Variants in ARHGAP9 observed in about 807,000 individuals in gnomAD.
ARHGAP9 encodes rho GTPase-activating protein 9.
ARHGAP9 carries 76 observed loss-of-function variants against 87.3 expected under a neutral mutation model. The observed-to-expected ratio is 0.87, with a 90% CI of 0.72 to 1.05. The LOEUF (loss-of-function observed/expected upper bound fraction) is 1.05. Among genes scored for constraint, ARHGAP9 ranks in the 50% least tolerant of loss-of-function variants. The pLI is 0.00. For missense variants in ARHGAP9, 941 were observed against 960.5 expected (o/e 0.98, Z 0.27); for synonymous variants, 382 against 394.9 (o/e 0.97, Z 0.39).
chr12:57,474,675 C>A lies in ARHGAP9; in HGVS notation c.1680G>T (p.Val560=), dbSNP rs771617741. 2 of 1,614,192 alleles carry A rather than the reference C, an allele frequency of 1.2e-6. No homozygotes were observed. The highest frequency in any genetic ancestry group is 3.3e-5 in the Admixed American group (2 of 60,026). ...RGLDVDGIYR[V]SGNLAVVQKL... ...TCTGGACCACTGCCAAGTTCCCGCT[C>A]ACCCGATAAATGCCATCCACATCTA... Residue 560 remains valine (V), a synonymous_variant, in exon 14 of 18, where the codon GTG becomes GTT. Transcript: ENST00000393791.
In ARHGAP9 at chr12:57,477,592, G is replaced by A. The variant is rs1200660018; in HGVS notation, c.623C>T (p.Pro208Leu). The A allele has an allele frequency of 6.2e-7, 1 of 1,613,262 alleles. No homozygotes were observed. The highest frequency in any genetic ancestry group is 1.7e-5 in the Admixed American group (1 of 59,926). Reference protein sequence around the residue: ...RRCPRSPPPGPACPLLQRLDA... With the variant: ...RRCPRSPPPGLACPLLQRLDA... ...CAGCCTCTGCAGCAGGGGGCATGCA[G>A]GGCCTGGGGGTGGGGACCGAGGACA... is the stretch of plus-strand genomic sequence containing the variant. The change falls in exon 4 of 18, where the codon CCT (proline) becomes CTT (leucine). Residue 208 changes from proline (P) to leucine (L), a missense_variant. Physicochemically the swap from Pro to Leu is moderately conservative, Grantham distance 98 (BLOSUM62 -3). Transcript: ENST00000393791.
At chr12:57,484,251 C>G (rs1875238522), upstream of ARHGAP9, among the ~76,000 whole-genome samples, 1 of 151,040 alleles carries the variant, frequency 6.6e-6, no homozygotes, top group Admixed American at 6.6e-5. Context: ...ACTTGGGAGG[C>G]TGAGGCAGGA....
intron 10 of ARHGAP9, 26 bp from the exon 11 acceptor site, chr12:57,475,641 AG>A (rs752114440): frequency 3.8e-6 from 6 of 1,599,612 alleles, no homozygotes; most frequent in African/African-American, 1.3e-5. Flanking sequence ...GCCGTGTCGA[AG>A]GTGAGAGAGG....
Position 57,476,827 on chromosome 12 carries a change from G to A in ARHGAP9, c.963+44C>T, listed in dbSNP as rs376022208. ...GTGGAGCAGGAAAAGGGGGGAGGGGGGGCAGGGAGGATCTTGGCCTTCACA... is the reference window on the plus strand; with the variant it reads ...GTGGAGCAGGAAAAGGGGGGAGGGGAGGCAGGGAGGATCTTGGCCTTCACA... On this transcript the variant is annotated intron_variant, in intron 6 of 17. Transcript: ENST00000393791. 30 of 1,541,904 alleles carry A rather than the reference G, an allele frequency of 1.9e-5. 1 individual carries two copies. The South Asian group carries it at 3.2e-4, about 17-fold the overall frequency.
In ARHGAP9 at chr12:57,472,574, G is replaced by A. The variant is rs747564203; in HGVS notation, c.2139C>T (p.Leu713=). The A allele has an allele frequency of 6.2e-7, 1 of 1,614,238 alleles. No individual in the cohort carries two copies. Among genetic ancestry groups the A allele is most frequent in the Non-Finnish European group, 8.5e-7 (1 of 1,180,036 alleles). The stretch of plus-strand genomic sequence containing the variant: ...TCAGCTGGACCAGCTGCCCTGGGTA[G>A]AGAGCATGGGCTGCTGGGTCAGATG... ...QETSDPAAHA[L]YPGQLVQLML... The change falls in exon 18 of 18, where the codon CTC becomes CTT. Residue 713 remains leucine (L), a synonymous_variant. Transcript: ENST00000393791.
At chr12:57,480,168 T>C (rs977438242), upstream of ARHGAP9, 2 of 962,344 alleles carry the variant, frequency 2.1e-6, no homozygotes, top group African/African-American at 3.5e-5. Context: ...GCTACTTTAG[T>C]GTGTGGGTTC....
At chr12:57,473,736 T>C in intron 16 of ARHGAP9, 28 bp from the exon 17 acceptor site, 2 of 1,593,090 alleles carry the variant, frequency 1.3e-6, no homozygotes, top group South Asian at 2.2e-5. Context: ...AAAGGCATGG[T>C]AGTAAGGTTA....
At chr12:57,488,727 C>A in exon 1 of ARHGAP9, 1 of 1,398,956 alleles carries the variant, frequency 7.1e-7, no homozygotes, top group Non-Finnish European at 9.9e-7. Flanking sequence ...ATGAAGATAT[C>A]CCAGTTACTT....
At position 57,479,356 on chromosome 12, in the gene ARHGAP9, G is replaced by A; in HGVS notation, c.51C>T (p.Gly17=). Residue 17 remains glycine, a synonymous_variant, in exon 2 of 18, where the codon GGC becomes GGT. Transcript: ENST00000393791. ...GGGATCCCCGAGGAGGGCTTCGGGG[G>A]CCCAGCCCTAGGATCCCCCAGGAAC... ...WPSSWGILGL[G]PRSPPRGSQL... is the part of the protein sequence containing the mutation. The A allele has an allele frequency of 1.2e-6, 2 of 1,614,050 alleles. No individual in the cohort carries two copies. Among genetic ancestry groups the A allele is most frequent in the East Asian group, 2.2e-5 (1 of 44,880 alleles).
Position 57,473,612 on chromosome 12 carries a change from TG to T in ARHGAP9, c.2014del (p.His672IlefsTer5). The T allele has an allele frequency of 6.2e-7, 1 of 1,613,200 alleles. No individual in the cohort carries two copies. Among genetic ancestry groups the T allele is most frequent in the South Asian group, 1.1e-5 (1 of 91,072 alleles). ...GTTCTGTCTTCCTGACCTGCATAAA[TG>T]CTCCAGGAGGTACCGTAGAGTGTCA... ...NHDTLRYLLE[H>X]LCRVIAHSDK... On this transcript the variant is annotated frameshift_variant, in exon 17 of 18. Transcript: ENST00000393791. LOFTEE classifies it high-confidence loss of function.
Position 57,475,857 on chromosome 12 carries a change from C to A in ARHGAP9, c.1287G>T (p.Ala429=). Residue 429 remains alanine (A), a synonymous_variant, in exon 10 of 18, where the codon GCG becomes GCT. Coordinates refer to ENST00000393791, the MANE Select transcript of ARHGAP9 (RefSeq NM_032496.4). Reference sequence around the variant, plus strand: ...CCAGCCGCTCGATGACAGTCCGCAGCGCGCGGTGCCAGGCTCGCAGCTCTG... The same window carrying A: ...CCAGCCGCTCGATGACAGTCCGCAGAGCGCGGTGCCAGGCTCGCAGCTCTG... ...HETELRAWHR[A]LRTVIERLDR... The A allele has an allele frequency of 6.2e-7, 1 of 1,613,926 alleles. No individual in the cohort carries two copies. Among genetic ancestry groups the A allele is most frequent in the Non-Finnish European group, 8.5e-7 (1 of 1,179,912 alleles).
Position 57,479,735 on chromosome 12 carries a change from G to A in ARHGAP9, c.-24C>T, listed in dbSNP as rs1490733763. On this transcript the variant is annotated 5_prime_UTR_variant, in exon 1 of 18. Coordinates refer to ENST00000393791, the MANE Select transcript of ARHGAP9 (RefSeq NM_032496.4). ...AGTAGTTTTCCTCCAAGTACCTTGT[G>A]GGGCCCATCAGAAGATTCAGGAGCA... The A allele has an allele frequency of 1.3e-6, 2 of 1,550,812 alleles. No homozygotes were observed. The highest frequency in any genetic ancestry group is 2.4e-5 in the South Asian group (2 of 84,054).
chr12:57,476,860 G>A lies in ARHGAP9; in HGVS notation c.963+11C>T. Reference sequence around the variant, plus strand: ...AGGATCTTGGCCTTCACAAAGAAATGGGAGATTCACATGGGGGTCGTCCAG... The same window carrying A: ...AGGATCTTGGCCTTCACAAAGAAATAGGAGATTCACATGGGGGTCGTCCAG... On this transcript the variant is annotated intron_variant, in intron 6 of 17. Coordinates refer to ENST00000393791, the MANE Select transcript of ARHGAP9 (RefSeq NM_032496.4). 1 of 1,612,292 alleles carries A rather than the reference G, an allele frequency of 6.2e-7. No individual in the cohort carries two copies. The highest frequency in any genetic ancestry group is 8.5e-7 in the Non-Finnish European group (1 of 1,178,562).
intron 1 of ARHGAP9, chr12:57,488,242 A>G: frequency 1.3e-6 from 2 of 1,559,764 alleles, no homozygotes; most frequent in Non-Finnish European, 1.8e-6. Context: ...GGGGGGCGGG[A>G]CCGAAACACG....
intron 7 of ARHGAP9, 64 bp downstream of exon 7, chr12:57,476,526 C>T (rs1453176488): frequency 6.2e-7 from 1 of 1,611,362 alleles, no homozygotes; most frequent in Admixed American, 1.7e-5. Flanking sequence ...GGGTGCTCTT[C>T]CAACACCCTG....
At chr12:57,473,842 C>T in intron 16 of ARHGAP9, 134 bp from the exon 17 acceptor site, 3 of 1,180,652 alleles carry the variant, frequency 2.5e-6, no homozygotes, top group Non-Finnish European at 3.5e-6. Flanking sequence ...TTCACATAGC[C>T]CAACTATAGC....
chr12:57,475,462 C>A, intron 11 of ARHGAP9, 21 bp downstream of exon 11: 1 of 1,583,908 alleles, frequency 6.3e-7, no homozygotes, highest in South Asian at 1.1e-5. Flanking sequence ...CCGGACTCTC[C>A]CTCCCCAGCC....
At chr12:57,480,965 TACTTC>T, upstream of ARHGAP9, 1 of 817,504 alleles carries the variant, frequency 1.2e-6, no homozygotes, top group Non-Finnish European at 2.0e-6. Flanking sequence ...CTTCCTAGTT[TACTTC>T]ACTTCAACAC....
rs919471276 is a variant in ARHGAP9, at chr12:57,472,645, G to C, written c.2068C>G (p.Leu690Val). ...SDKNRMTPHN[L>V]GIVFGPTLFR... ...AGGGTTGGTCCAAACACAATTCCCA[G>C]GTTGTGGGGTGTCATGCGATTCTTA... The change falls in exon 18 of 18, where the codon CTG (leucine) becomes GTG (valine). Residue 690 changes from leucine (L) to valine (V), a missense_variant. Coordinates refer to ENST00000393791, the MANE Select transcript of ARHGAP9 (RefSeq NM_032496.4). 1.2e-6 allele frequency: 2 copies of C among 1,614,246 alleles called. No homozygotes were observed. The highest frequency in any genetic ancestry group is 3.3e-5 in the Admixed American group (2 of 60,030).
Sources: gnomAD v4.1 joint callset for allele counts (sites outside exome capture counted in the v4.1 genomes callset) on GRCh38, gnomAD v4.1.1 for gene constraint, MANE v1.5 for transcripts, NCBI Gene and HGNC (gene_info 2026-07-23, HGNC 2026-07-21) for gene names.